Variants in DENND5B observed in about 807,000 individuals in gnomAD.
The protein encoded by DENND5B is DENN domain containing 5B.
Under a neutral mutation model 140.6 loss-of-function variants are expected in DENND5B, and 34 were observed. That is an observed-to-expected ratio of 0.24 (90% CI 0.18 to 0.32). DENND5B has a LOEUF of 0.32. Ranked by LOEUF, DENND5B falls within the 10% of genes least tolerant of loss-of-function variation. DENND5B has a pLI of 1.00. For missense variants in DENND5B, 1,142 were observed against 1,560.2 expected (o/e 0.73, Z 4.52); for synonymous variants, 551 against 562.1 (o/e 0.98, Z 0.28).
Position 31,389,475 on chromosome 12 carries a change from T to A in DENND5B, c.3490A>T (p.Thr1164Ser). 1.3e-6 allele frequency: 2 copies of A among 1,592,710 alleles called. No individual in the cohort carries two copies. The highest frequency in any genetic ancestry group is 1.7e-6 in the Non-Finnish European group (2 of 1,168,736). ...FIEKVVAYFE[T>S]TDQILDNEDD... ...TCATTATCTAGAATCTGGTCAGTTG[T>A]TTCAAAATAAGCAACCACTTTCTCT... Residue 1164 changes from threonine (T) to serine (S), a missense_variant, in exon 20 of 21, where the codon ACA (threonine) becomes TCA (serine). Thr to Ser is a moderately conservative substitution (Grantham distance 58). Around this residue, in one of 5 missense-constraint regions of DENND5B, gnomAD observed 125 missense variants for 179.0 expected, o/e 0.70. Coordinates refer to ENST00000389082, the MANE Select transcript of DENND5B (RefSeq NM_144973.4).
intron 11 of DENND5B, among the ~76,000 whole-genome samples, chr12:31,422,338 G>A (rs997526108): frequency 1.3e-5 from 2 of 151,908 alleles, no homozygotes; most frequent in African/African-American, 4.8e-5. Flanking sequence ...GCTGAGGCAG[G>A]AGAATGGCAT....
At position 31,480,134 on chromosome 12, in the gene DENND5B, T is replaced by G. The variant is rs757096259; in HGVS notation, c.359A>C (p.Tyr120Ser). 6.2e-7 allele frequency: 1 copy of G among 1,611,836 alleles called. No homozygotes were observed. Among genetic ancestry groups the G allele is most frequent in the Admixed American group, 1.7e-5 (1 of 59,524 alleles). Residue 120 changes from tyrosine (Y) to serine (S), a missense_variant, in exon 3 of 21, where the codon TAT (tyrosine) becomes TCT (serine). By Grantham distance (144) the Tyr-to-Ser change is moderately radical. Coordinates refer to ENST00000389082, the MANE Select transcript of DENND5B (RefSeq NM_144973.4). ...GATTTGCTTACTTGTAACTTCTTCA[T>G]AAAAAGTGAGAACAAAACCATAGGT... ...SRTYGFVLTFYEEVTSKQICT... is the reference protein window; with the variant it reads ...SRTYGFVLTFSEEVTSKQICT...
chr12:31,483,253 T>C (rs1037911114), intron 2 of DENND5B, among the ~76,000 whole-genome samples: 5 of 152,208 alleles, frequency 3.3e-5, no homozygotes, highest in African/African-American at 1.2e-4. Flanking sequence ...TACCAGGATC[T>C]GGGAAACTTT....
chr12:31,524,041 CTTT>C (rs148193944), intron 1 of DENND5B, among the ~76,000 whole-genome samples: 1 of 121,558 alleles, frequency 8.2e-6, no homozygotes, highest in Non-Finnish European at 1.7e-5. Flanking sequence ...CTACTGAGCC[CTTT>C]TTTTTTTTTT....
At chr12:31,500,277 AC>A (rs1344923206) in intron 1 of DENND5B, 3 of 424,348 alleles carry the variant, frequency 7.1e-6, no homozygotes, top group Non-Finnish European at 1.4e-5. Flanking sequence ...AAATTAGAAT[AC>A]TGGCCTCAAA....
chr12:31,471,564 G>A (rs916124820), intron 3 of DENND5B, among the ~76,000 whole-genome samples: 6 of 148,980 alleles, frequency 4.0e-5, no homozygotes, highest in Non-Finnish European at 8.9e-5. Context: ...AGGTAGAGAT[G>A]GAGTTTCACC....
chr12:31,489,126 C>T (rs1252782807), intron 2 of DENND5B, among the ~76,000 whole-genome samples: 1 of 152,232 alleles, frequency 6.6e-6, no homozygotes. Flanking sequence ...CAACAATGGA[C>T]TGCCTATAGG....
At chr12:31,405,511 C>CATGTATGTATGTATGTATGT (rs55808642) in intron 14 of DENND5B, among the ~76,000 whole-genome samples, 2 of 144,704 alleles carry the variant, frequency 1.4e-5, no homozygotes, top group East Asian at 2.1e-4. Context: ...AGCCACCTGC[C>CATGTATGTATGTATGTATGT]ATGTATGTAT....
chr12:31,571,593 T>C (rs1949824464), intron 1 of DENND5B, among the ~76,000 whole-genome samples: 1 of 149,342 alleles, frequency 6.7e-6, no homozygotes, highest in African/African-American at 2.5e-5. Context: ...CTTTCTTTTT[T>C]AGAAAAATAA....
rs11051463 is a variant in DENND5B at position 31,554,816 on chromosome 12, C to T, written c.127+35890G>A. 7.9e-5 allele frequency among the ~76,000 whole-genome samples: 12 copies of T among 152,302 alleles called. No individual in the cohort carries two copies. In the East Asian group the frequency reaches 1.3e-3, roughly 17 times the overall value. Reference sequence around the variant, plus strand: ...GCTTCACTTCATTCATTTCGTCTTCCATCACTGATACCCTTTCTGCCAGTT... The same window carrying T: ...GCTTCACTTCATTCATTTCGTCTTCTATCACTGATACCCTTTCTGCCAGTT... On this transcript the variant is annotated intron_variant, in intron 1 of 20. Coordinates refer to ENST00000389082, the MANE Select transcript of DENND5B (RefSeq NM_144973.4).
rs534065615 is a variant in DENND5B, at chr12:31,590,331, C to A, written c.127+375G>T. The A allele has an allele frequency of 2.0e-3, 308 of 157,464 alleles. 1 individual carries two copies. Among genetic ancestry groups the A allele is most frequent in the African/African-American group, 7.0e-3 (294 of 41,778 alleles). The allele number at this position is 157,464 out of a possible 1,614,324, so 9.8% of individuals were successfully genotyped here. A position where few individuals can be genotyped will look rare whatever the true frequency, so the allele number is the denominator to read the frequency against. On this transcript the variant is annotated intron_variant, in intron 1 of 20. Coordinates refer to ENST00000389082, the MANE Select transcript of DENND5B (RefSeq NM_144973.4). ...TTCGCGGCCGGGGCCGGGTGGCTGG[C>A]GGGTGGGAGGCAGGCACGGCGGTCG...
At chr12:31,586,000 G>GTA (rs1950381883) in intron 1 of DENND5B, among the ~76,000 whole-genome samples, 6 of 152,268 alleles carry the variant, frequency 3.9e-5, no homozygotes, top group Admixed American at 3.9e-4. Flanking sequence ...ACTGTGTACT[G>GTA]TATATAAGGT....
At chr12:31,531,192 C>CAT (rs1948264345) in intron 1 of DENND5B, among the ~76,000 whole-genome samples, 1 of 147,808 alleles carries the variant, frequency 6.8e-6, no homozygotes, top group South Asian at 2.1e-4. Context: ...TTAGAACTAA[C>CAT]TTTTTTTTTT....
chr12:31,434,540 T>C (rs1208659531), intron 7 of DENND5B, among the ~76,000 whole-genome samples: 1 of 152,168 alleles, frequency 6.6e-6, no homozygotes, highest in Non-Finnish European at 1.5e-5. Flanking sequence ...TATGAGGGGC[T>C]TAAAAATATA....
At chr12:31,477,181 T>TCATGCC (rs1187220333) in intron 3 of DENND5B, among the ~76,000 whole-genome samples, 1 of 150,634 alleles carries the variant, frequency 6.6e-6, no homozygotes, top group East Asian at 2.0e-4. Context: ...TGAGCCAAGA[T>TCATGCC]CATGCCACTG....
chr12:31,445,056 T>A (rs1944216993), intron 6 of DENND5B, among the ~76,000 whole-genome samples: 1 of 152,166 alleles, frequency 6.6e-6, no homozygotes, highest in Non-Finnish European at 1.5e-5. Context: ...AAGCTCCACA[T>A]TTGCTGCCTC....
At chr12:31,577,998 A>G (rs1950076409) in intron 1 of DENND5B, among the ~76,000 whole-genome samples, 2 of 151,990 alleles carry the variant, frequency 1.3e-5, no homozygotes. Context: ...GGTAGCACAC[A>G]CACCTATAGT....
chr12:31,581,179 T>C (rs1016920777), intron 1 of DENND5B, among the ~76,000 whole-genome samples: 1 of 152,050 alleles, frequency 6.6e-6, no homozygotes, highest in African/African-American at 2.4e-5. Context: ...TGAATCTTAT[T>C]CTAAATACAA....
At position 31,442,881 on chromosome 12, in the gene DENND5B, T is replaced by C. The variant is rs1347109629; in HGVS notation, c.1906A>G (p.Ile636Val). 6 of 1,604,684 alleles carry C rather than the reference T, an allele frequency of 3.7e-6. No individual in the cohort carries two copies. The highest frequency in any genetic ancestry group is 1.7e-5 in the Admixed American group (1 of 58,318). ...QRLMKMDHTA[I>V]HPHLLDMKIG... ...TTCATATCAAGTAGATGTGGGTGGATTGCAGTGTGATCCATTTTCATCAGT... is the reference window on the plus strand; with the variant it reads ...TTCATATCAAGTAGATGTGGGTGGACTGCAGTGTGATCCATTTTCATCAGT... The change falls in exon 7 of 21, where the codon ATC becomes GTC. Residue 636 changes from isoleucine (I) to valine (V), a missense_variant. Physicochemically the swap from Ile to Val is conservative, Grantham distance 29 (BLOSUM62 3). Transcript: ENST00000389082.
Sources: allele counts gnomAD v4.1 joint callset (sites outside exome capture counted in the v4.1 genomes callset), GRCh38; gene constraint gnomAD v4.1.1; regional missense constraint gnomAD v4.1.1; transcripts MANE v1.5; gene names NCBI Gene and HGNC (gene_info 2026-07-23, HGNC 2026-07-21).